Variants in PIBF1 observed in about 807,000 individuals in gnomAD.
PIBF1 encodes progesterone immunomodulatory binding factor 1, also known as progesterone-induced-blocking factor 1.
Under a neutral mutation model 112.5 loss-of-function variants are expected in PIBF1, and 90 were observed. The observed-to-expected ratio is 0.80, with a 90% CI of 0.67 to 0.95. The LOEUF is 0.95. Ranked by LOEUF, PIBF1 falls within the 40% of genes least tolerant of loss-of-function variation. The pLI, the probability that PIBF1 is intolerant of heterozygous loss-of-function variation, is 0.00. For missense variants in PIBF1, 915 were observed against 852.3 expected (o/e 1.07, Z -0.92); for synonymous variants, 301 against 288.6 (o/e 1.04, Z -0.44).
chr13:72,796,815 T>C (rs1422979861), intron 4 of PIBF1, among the ~76,000 whole-genome samples: 1 of 152,192 alleles, frequency 6.6e-6, no homozygotes, highest in African/African-American at 2.4e-5. Flanking sequence ...GTTTTCTTAA[T>C]ATTCCTTCTT....
intron 12 of PIBF1, among the ~76,000 whole-genome samples, chr13:72,912,726 A>G (rs2040933477): frequency 6.6e-6 from 1 of 152,180 alleles, no homozygotes. Context: ...CTCAAAGGAA[A>G]ATGGTTAATC....
chr13:72,864,760 G>A (rs1291605629), intron 10 of PIBF1, among the ~76,000 whole-genome samples: 1 of 152,170 alleles, frequency 6.6e-6, no homozygotes, highest in African/African-American at 2.4e-5. Flanking sequence ...AAAATATGAT[G>A]TTTACTGGAA....
rs2044148046 is a variant in PIBF1, at chr13:73,010,077, CTG to C, written c.2224-5790_2224-5789del. 6.6e-5 allele frequency among the ~76,000 whole-genome samples: 10 copies of C among 152,116 alleles called. No individual in the cohort carries two copies. In the South Asian group the frequency reaches 1.9e-3, roughly 28 times the overall value. On this transcript the variant is annotated intron_variant, in intron 17 of 17. Transcript: ENST00000326291. ...CATCCTTTGGTATAATCCCGAGGAT[CTG>C]TAGCTTAGTTTATAGCAGTTGCTTT...
rs754794968 is a variant in PIBF1, at chr13:72,832,072, C to CTT, written c.1098-3142_1098-3141dup. ...CAGAGATTAGAATTGCAATTCCGGC[C>CTT]TTTTTTTTTTTTTTTTTTTTTTTTT... On this transcript the variant is annotated intron_variant, in intron 8 of 17. Transcript: ENST00000326291. Among the ~76,000 whole-genome samples the CTT allele has an allele frequency of 3.5e-4, 15 of 42,836 alleles. 2 individuals are homozygous for CTT. Among genetic ancestry groups the CTT allele is most frequent in the Non-Finnish European group, 4.5e-4 (12 of 26,796 alleles). 28.1% of individuals were successfully genotyped at this position (42,836 alleles called of 152,430 possible).
chr13:72,931,095 C>A, intron 13 of PIBF1, 70 bp from the exon 14 acceptor site: 1 of 860,552 alleles, frequency 1.2e-6, no homozygotes, highest in South Asian at 1.5e-5. Flanking sequence ...TTCAAGTACA[C>A]AAACACATTT....
chr13:72,808,115 T>C (rs2035827928), intron 5 of PIBF1, among the ~76,000 whole-genome samples: 1 of 152,156 alleles, frequency 6.6e-6, no homozygotes, highest in Admixed American at 6.5e-5. Flanking sequence ...AACAAAGCTC[T>C]GAGAACATTT....
At chr13:72,786,957 T>C (rs138012837) in intron 2 of PIBF1, among the ~76,000 whole-genome samples, 49 of 152,330 alleles carry the variant, frequency 3.2e-4, no homozygotes, top group African/African-American at 1.1e-3. Context: ...ACACTTCCAG[T>C]TGAATTGTTA....
intron 17 of PIBF1, among the ~76,000 whole-genome samples, chr13:73,013,174 A>G (rs944728158): frequency 4.6e-5 from 7 of 151,454 alleles, no homozygotes; most frequent in African/African-American, 1.5e-4. Flanking sequence ...GGTGGCGGGC[A>G]CCTGTAGTCC....
rs182218659 is a variant in PIBF1, at chr13:72,792,862, T to A, written c.353+315T>A. Among the ~76,000 whole-genome samples, 36 of 152,354 alleles carry A rather than the reference T, an allele frequency of 2.4e-4. No homozygotes were observed. In the East Asian group the frequency reaches 6.2e-3, roughly 26 times the overall value. On this transcript the variant is annotated intron_variant, in intron 3 of 17. Coordinates refer to ENST00000326291, the MANE Select transcript of PIBF1 (RefSeq NM_006346.4). Reference sequence around the variant, plus strand: ...ATATTGATTGATTCTCATGACCCATTGGACTTTCCTGGCCTGAAGTACTTT... The same window carrying A: ...ATATTGATTGATTCTCATGACCCATAGGACTTTCCTGGCCTGAAGTACTTT...
In PIBF1 at chr13:72,996,097, G is replaced by GT. The variant is rs1302481485; in HGVS notation, c.2050-2725_2050-2724insT. On this transcript the variant is annotated intron_variant, in intron 16 of 17. Coordinates refer to ENST00000326291, the MANE Select transcript of PIBF1 (RefSeq NM_006346.4). ...ACAAAAAAAAAAAAGCGGGGGGGGG[G>GT]GGTCATAAACAAAGTCAAGTAAGAG... Among the ~76,000 whole-genome samples the GT allele has an allele frequency of 5.3e-5, 6 of 112,656 alleles. 1 individual carries two copies. The highest frequency in any genetic ancestry group is 6.5e-4 in the East Asian group (2 of 3,076). 73.9% of individuals were successfully genotyped at this position (112,656 alleles called of 152,430 possible).
intron 9 of PIBF1, chr13:72,835,982 C>G (rs1380623809): frequency 3.1e-6 from 1 of 318,876 alleles, no homozygotes; most frequent in East Asian, 8.9e-5. Flanking sequence ...GCCTGTAATC[C>G]CAGCTACTCG....
At chr13:72,918,721 T>C (rs1566446739) in intron 13 of PIBF1, among the ~76,000 whole-genome samples, 1 of 147,234 alleles carries the variant, frequency 6.8e-6, no homozygotes, top group Non-Finnish European at 1.5e-5. Flanking sequence ...TTTTTTTTTT[T>C]TGAGACAGAG....
chr13:72,993,099 C>T (rs773483995), intron 16 of PIBF1, among the ~76,000 whole-genome samples: 9 of 152,020 alleles, frequency 5.9e-5, no homozygotes, highest in Non-Finnish European at 1.0e-4. Context: ...TTTGAGAGGC[C>T]AAGGCAAGTG....
chr13:72,989,539 A>G (rs895481461), intron 16 of PIBF1, among the ~76,000 whole-genome samples: 1 of 152,212 alleles, frequency 6.6e-6, no homozygotes, highest in African/African-American at 2.4e-5. Flanking sequence ...GAATTCTACA[A>G]GGACAAAAAG....
chr13:72,871,280 T>G (rs1420172783), intron 10 of PIBF1, among the ~76,000 whole-genome samples: 2 of 152,046 alleles, frequency 1.3e-5, no homozygotes, highest in Admixed American at 1.3e-4. Flanking sequence ...AGTCAAGTGG[T>G]GTCTGTCTGT....
intron 10 of PIBF1, among the ~76,000 whole-genome samples, chr13:72,878,584 G>T (rs796700642): frequency 2.6e-5 from 4 of 152,062 alleles, no homozygotes; most frequent in African/African-American, 9.7e-5. Flanking sequence ...TCTGTATTTC[G>T]TGTGAGCTTT....
At chr13:72,821,252 T>C (rs888715019) in intron 5 of PIBF1, among the ~76,000 whole-genome samples, 1 of 152,134 alleles carries the variant, frequency 6.6e-6, no homozygotes, top group Admixed American at 6.6e-5. Flanking sequence ...AACTTTAAGG[T>C]TTTTACTTCC....
At chr13:72,917,308 C>T (rs1352114495) in intron 13 of PIBF1, 142 bp downstream of exon 13, 2 of 414,192 alleles carry the variant, frequency 4.8e-6, no homozygotes, top group African/African-American at 2.1e-5. Flanking sequence ...CAAAATAAAA[C>T]ACTAATAATC....
At chr13:72,945,727 A>G (rs1362970237) in intron 14 of PIBF1, among the ~76,000 whole-genome samples, 2 of 152,230 alleles carry the variant, frequency 1.3e-5, no homozygotes, top group South Asian at 4.1e-4. Flanking sequence ...ATTACTGACA[A>G]AATAAATTTG....
Sources: gnomAD v4.1 joint callset for allele counts (sites outside exome capture counted in the v4.1 genomes callset) on GRCh38, gnomAD v4.1.1 for gene constraint, MANE v1.5 for transcripts, NCBI Gene and HGNC (gene_info 2026-07-23, HGNC 2026-07-21) for gene names.